Variants in BPHL observed in about 807,000 individuals in gnomAD.
BPHL encodes the protein serine hydrolase BPHL.
In BPHL, 27 loss-of-function variants were observed where a neutral mutation model predicts 31.2. That is an observed-to-expected ratio of 0.87 (90% CI 0.64 to 1.19). The LOEUF is 1.19. BPHL is among the 50% of genes most tolerant of loss of function. The pLI is 0.00. For missense variants in BPHL, 356 were observed against 375.7 expected (o/e 0.95, Z 0.43); for synonymous variants, 150 against 146.8 (o/e 1.02, Z -0.16).
Position 3,129,089 on chromosome 6 carries a change from G to A in BPHL, c.423G>A (p.Gly141=), listed in dbSNP as rs189064299. ...TTTCTCTGCTGGGGTGGAGTGATGGGGGCATAACCGCACTCATTGCTGCTG... is the reference window on the plus strand; with the variant it reads ...TTTCTCTGCTGGGGTGGAGTGATGGAGGCATAACCGCACTCATTGCTGCTG... The part of the protein sequence containing the change: ...KKVSLLGWSD[G]GITALIAAAK... The change falls in exon 4 of 7, where the codon GGG becomes GGA. Residue 141 remains glycine, a synonymous_variant. Transcript: ENST00000380379. The A allele has an allele frequency of 5.5e-5, 88 of 1,614,154 alleles. 1 individual carries two copies. The African/African-American group carries it at 1.1e-3, about 20-fold the overall frequency.
intron 6 of BPHL, among the ~76,000 whole-genome samples, chr6:3,151,823 C>T (rs1243937466): frequency 1.3e-5 from 2 of 152,214 alleles, no homozygotes; most frequent in African/African-American, 2.4e-5. Context: ...AGAAGCCTTA[C>T]GAGGACAGTG....
chr6:3,148,018 A>G lies in BPHL; in HGVS notation c.789-4470A>G, dbSNP rs138996019. Reference sequence around the variant, plus strand: ...CTGGGGAGGGCCTCTGCCTTTATTCAGTCAGTGGATTCAAATGCTAACCCA... The same window carrying G: ...CTGGGGAGGGCCTCTGCCTTTATTCGGTCAGTGGATTCAAATGCTAACCCA... On this transcript the variant is annotated intron_variant, in intron 6 of 6. Coordinates refer to ENST00000380379, the MANE Select transcript of BPHL (RefSeq NM_004332.4). 2.9e-3 allele frequency among the ~76,000 whole-genome samples: 436 copies of G among 152,338 alleles called. 1 individual carries two copies. The highest frequency in any genetic ancestry group is 9.8e-3 in the African/African-American group (406 of 41,566).
At chr6:3,152,442 T>G in intron 6 of BPHL, 46 bp from the exon 7 acceptor site, 1 of 1,542,480 alleles carries the variant, frequency 6.5e-7, no homozygotes, top group Non-Finnish European at 8.9e-7. Context: ...GGTTTGTTCT[T>G]AAGTGGTGGG....
intron 5 of BPHL, chr6:3,139,289 C>G (rs1238300501): frequency 1.3e-5 from 2 of 152,200 alleles, no homozygotes; most frequent in Non-Finnish European, 2.9e-5. Flanking sequence ...TTTTTATATG[C>G]TGAATGAGTT....
At position 3,140,479 on chromosome 6, in the gene BPHL, A is replaced by C. The variant is rs1762144266; in HGVS notation, c.758A>C (p.Asp253Ala). 1 of 1,614,004 alleles carries C rather than the reference A, an allele frequency of 6.2e-7. No homozygotes were observed. Among genetic ancestry groups the C allele is most frequent in the East Asian group, 2.2e-5 (1 of 44,878 alleles). ...CCTCTGGTCCCACGGTTTCATGCCG[A>C]CTTCATTCATAAGCACGTGAAAGGC... The part of the protein sequence containing the change: ...KDPLVPRFHA[D>A]FIHKHVKGSR... Residue 253 changes from aspartate to alanine, a missense_variant, in exon 6 of 7, where the codon GAC becomes GCC. By Grantham distance (126) the Asp-to-Ala change is moderately radical. Coordinates refer to ENST00000380379, the MANE Select transcript of BPHL (RefSeq NM_004332.4). The surrounding 1 kb of genome is among the most constrained non-coding windows in gnomAD (Gnocchi z 5.2).
intron 4 of BPHL, among the ~76,000 whole-genome samples, chr6:3,134,689 G>C (rs1309134462): frequency 6.9e-6 from 1 of 145,210 alleles, no homozygotes. Context: ...TGCAAACTCC[G>C]CCTCCTGTGT....
chr6:3,127,643 C>T (rs548683464), intron 3 of BPHL, among the ~76,000 whole-genome samples: 21 of 152,302 alleles, frequency 1.4e-4, no homozygotes, highest in Admixed American at 2.0e-4. Flanking sequence ...TATTACATCA[C>T]AAACGCAGTT....
At chr6:3,119,429 C>G (rs1228320612) in intron 1 of BPHL, 39 of 1,611,740 alleles carry the variant, frequency 2.4e-5, no homozygotes, top group Non-Finnish European at 3.2e-5. Context: ...GGCCTCACTC[C>G]CAGAGGATCT....
chr6:3,126,612 CAG>C (rs1761718370), intron 2 of BPHL, among the ~76,000 whole-genome samples: 1 of 149,638 alleles, frequency 6.7e-6, no homozygotes, highest in Non-Finnish European at 1.5e-5. Context: ...GGTGGAGGGA[CAG>C]AGTCGCACTT....
chr6:3,145,471 TTTGAATG>T (rs1762313126), intron 6 of BPHL, among the ~76,000 whole-genome samples: 1 of 45,204 alleles, frequency 2.2e-5, no homozygotes. Flanking sequence ...CTGGTTTGGG[TTTGAATG>T]CTGATTCGGG....
rs553521784 is a variant in BPHL, at chr6:3,140,441, C to T, written c.720C>T (p.His240=). The change falls in exon 6 of 7, where the codon CAC becomes CAT. Residue 240 remains histidine, a synonymous_variant. Coordinates refer to ENST00000380379, the MANE Select transcript of BPHL (RefSeq NM_004332.4). The surrounding 1 kb of genome is among the most constrained non-coding windows in gnomAD (Gnocchi z 5.2). ...PRVQCPALIV[H]GEKDPLVPRF... ...TCCAGTGCCCCGCCTTGATTGTGCA[C>T]GGTGAGAAGGATCCTCTGGTCCCAC... 20 of 1,614,086 alleles carry T rather than the reference C, an allele frequency of 1.2e-5. No individual in the cohort carries two copies. The highest frequency in any genetic ancestry group is 5.5e-5 in the South Asian group (5 of 91,080).
In BPHL at chr6:3,137,957, T is replaced by C. The variant is rs148947597; in HGVS notation, c.664+464T>C. The C allele has an allele frequency of 1.4e-3, 1,782 of 1,260,092 alleles. 18 individuals carry two copies. In the African/African-American group the frequency reaches 0.024, roughly 17 times the overall value. The allele number at this position is 1,260,092 out of a possible 1,614,324, so 78.1% of individuals were successfully genotyped here. On this transcript the variant is annotated intron_variant, in intron 5 of 6. Transcript: ENST00000380379. ...CGGAATTAATATGAGGAAGAAAATA[T>C]TCTGTTTTTTCCATCTTCAGAACTA...
At chr6:3,137,312 T>C in intron 4 of BPHL, 50 bp from the exon 5 acceptor site, 1 of 1,600,826 alleles carries the variant, frequency 6.2e-7, no homozygotes, top group Non-Finnish European at 8.5e-7. Context: ...TTAAAGACAA[T>C]ACTTTAGTAT....
At chr6:3,146,734 G>A (rs1343911058) in intron 6 of BPHL, among the ~76,000 whole-genome samples, 1 of 147,454 alleles carries the variant, frequency 6.8e-6, no homozygotes, top group African/African-American at 2.5e-5. Context: ...TTGAGTGCTG[G>A]TTTGGGTCGG....
intron 1 of BPHL, 29 bp downstream of exon 1, chr6:3,118,876 C>T: frequency 3.7e-5 from 46 of 1,231,490 alleles, no homozygotes; most frequent in Non-Finnish European, 4.7e-5. Flanking sequence ...CCCCGGGGAT[C>T]CCCAGCATCG....
chr6:3,144,372 CTTTTTTTTT>C (rs58022650), intron 6 of BPHL, among the ~76,000 whole-genome samples: 1 of 64,794 alleles, frequency 1.5e-5, no homozygotes, highest in Non-Finnish European at 3.4e-5. Context: ...TGGCCTTCTT[CTTTTTTTTT>C]TTTTTTTTTG....
Position 3,118,935 on chromosome 6 carries a change from CCGGCGCGCGGGCACGGG to C in BPHL, c.107+89_107+105del, listed in dbSNP as rs1581454838. 14 of 1,101,052 alleles carry C rather than the reference CCGGCGCGCGGGCACGGG, an allele frequency of 1.3e-5. No homozygotes were observed. In the East Asian group the frequency reaches 4.6e-4, roughly 36 times the overall value. 68.2% of individuals were successfully genotyped at this position (1,101,052 alleles called of 1,614,324 possible). The stretch of plus-strand genomic sequence containing the variant: ...GGGCGCGTGCCGACAGCAGGAGTTC[CCGGCGCGCGGGCACGGG>C]GCGTGGGCGCGGCCTGGCTGCCCTG... On this transcript the variant is annotated intron_variant, in intron 1 of 6. Coordinates refer to ENST00000380379, the MANE Select transcript of BPHL (RefSeq NM_004332.4).
intron 1 of BPHL, chr6:3,119,314 GC>G: frequency 2.6e-6 from 4 of 1,548,922 alleles, no homozygotes; most frequent in Non-Finnish European, 3.5e-6. Context: ...TACCGCTAAG[GC>G]TTTAATCACG....
At chr6:3,132,422 C>T (rs557624909) in intron 4 of BPHL, among the ~76,000 whole-genome samples, 2 of 152,304 alleles carry the variant, frequency 1.3e-5, no homozygotes, top group African/African-American at 2.4e-5. Context: ...CCAGGCGTCA[C>T]CCTCAGTGCT....
Sources: allele counts gnomAD v4.1 joint callset (sites outside exome capture counted in the v4.1 genomes callset), GRCh38; gene constraint gnomAD v4.1.1; non-coding constraint Gnocchi (gnomAD v3.1); transcripts MANE v1.5; gene names NCBI Gene and HGNC (gene_info 2026-07-23, HGNC 2026-07-21).